LYPD6B: variants seen among roughly 807,000 people sequenced by gnomAD.
LYPD6B encodes the protein ly6/PLAUR domain-containing protein 6B.
In LYPD6B, 17 loss-of-function variants were observed where a neutral mutation model predicts 22.8. That is an observed-to-expected ratio of 0.75 (90% CI 0.51 to 1.12). The LOEUF is 1.12. LYPD6B is among the 50% of genes most tolerant of loss of function. The probability of loss-of-function intolerance (pLI) is 0.00; values close to 1 mark genes in which losing one functional copy is unlikely to be tolerated. For synonymous variants in LYPD6B, 106 were observed against 91.6 expected, an observed-to-expected ratio of 1.16 and a Z score of -0.90; for missense variants, 221 against 258.3, an observed-to-expected ratio of 0.86 and a Z score of 0.99.
intron 1 of LYPD6B, among the ~76,000 whole-genome samples, chr2:149,112,429 G>A (rs746739550): frequency 3.3e-5 from 5 of 152,052 alleles, no homozygotes; most frequent in Admixed American, 2.6e-4. Flanking sequence ...TACATAGTAC[G>A]TTTAGGTTAA....
At chr2:149,076,097 C>T (rs60722887) in intron 1 of LYPD6B, among the ~76,000 whole-genome samples, 10 of 151,968 alleles carry the variant, frequency 6.6e-5, no homozygotes, top group Non-Finnish European at 8.8e-5. Context: ...AATCCAGAGG[C>T]GCGGGAGAAT....
chr2:149,196,136 A>G (rs1467034740), intron 3 of LYPD6B, among the ~76,000 whole-genome samples: 1 of 152,232 alleles, frequency 6.6e-6, no homozygotes, highest in Non-Finnish European at 1.5e-5. Context: ...ATGCACATAT[A>G]TATCTTTATA....
At chr2:149,102,571 T>G (rs1434494387) in intron 1 of LYPD6B, among the ~76,000 whole-genome samples, 2 of 152,160 alleles carry the variant, frequency 1.3e-5, no homozygotes, top group Non-Finnish European at 2.9e-5. Context: ...GGAGGGCAGC[T>G]ATTTGGAAGT....
At position 149,165,723 on chromosome 2, in the gene LYPD6B, G is replaced by A. The variant is rs1001396316; in HGVS notation, c.77+4888G>A. On this transcript the variant is annotated intron_variant, in intron 3 of 6. Transcript: ENST00000409642. ...TCCCTCGAAGTCATACAGCTAAGTC[G>A]TAGACCTGGGATTCCACTCCAGGAG... 3.9e-5 allele frequency among the ~76,000 whole-genome samples: 6 copies of A among 152,268 alleles called. No individual in the cohort carries two copies. The South Asian group carries it at 6.2e-4, about 16-fold the overall frequency.
chr2:149,154,382 T>C (rs1689564339), intron 2 of LYPD6B, among the ~76,000 whole-genome samples: 1 of 152,196 alleles, frequency 6.6e-6, no homozygotes, highest in African/African-American at 2.4e-5. Context: ...GGAACACACC[T>C]TCCTCAGAGC....
intron 1 of LYPD6B, among the ~76,000 whole-genome samples, chr2:149,066,392 G>T: frequency 6.7e-6 from 1 of 148,376 alleles, no homozygotes. Context: ...TGTTGTCACT[G>T]TTCAATTCCA....
chr2:149,068,391 G>C (rs1684440350), intron 1 of LYPD6B, among the ~76,000 whole-genome samples: 1 of 152,158 alleles, frequency 6.6e-6, no homozygotes, highest in Non-Finnish European at 1.5e-5. Context: ...AGAAACTAAA[G>C]TAGCAAACAA....
At chr2:149,182,619 A>G (rs1160984206) in intron 3 of LYPD6B, among the ~76,000 whole-genome samples, 3 of 152,202 alleles carry the variant, frequency 2.0e-5, no homozygotes, top group Non-Finnish European at 4.4e-5. Context: ...GACTGGTTAG[A>G]ATGAGTCCAG....
At chr2:149,214,436 A>G in intron 6 of LYPD6B, 110 bp from the exon 7 acceptor site, 1 of 1,165,676 alleles carries the variant, frequency 8.6e-7, no homozygotes, top group Non-Finnish European at 1.2e-6. Flanking sequence ...ACCAACTCCA[A>G]TTGTCTGTCT....
At chr2:149,161,410 A>G (rs2105885982) in intron 3 of LYPD6B, 1 of 153,688 alleles carries the variant, frequency 6.5e-6, no homozygotes, top group Admixed American at 6.5e-5. Flanking sequence ...TTAATTGATG[A>G]TTGCTTTTTA....
chr2:149,211,214 T>C (rs1693831080), intron 5 of LYPD6B, among the ~76,000 whole-genome samples: 1 of 152,086 alleles, frequency 6.6e-6, no homozygotes, highest in Admixed American at 6.5e-5. Flanking sequence ...CCCCCATGAT[T>C]TAATCACCTC....
intron 2 of LYPD6B, among the ~76,000 whole-genome samples, chr2:149,136,745 GA>G (rs1688395099): frequency 6.6e-6 from 1 of 152,102 alleles, no homozygotes; most frequent in African/African-American, 2.4e-5. Context: ...ATTATTTCGT[GA>G]AAAAAATGTG....
intron 3 of LYPD6B, among the ~76,000 whole-genome samples, chr2:149,203,283 A>T (rs929796172): frequency 9.2e-5 from 14 of 152,192 alleles, no homozygotes; most frequent in African/African-American, 3.4e-4. Context: ...GTGACACTGA[A>T]ACCTGTATCT....
At chr2:149,059,607 G>A (rs2105315975) in intron 1 of LYPD6B, among the ~76,000 whole-genome samples, 1 of 152,298 alleles carries the variant, frequency 6.6e-6, no homozygotes, top group African/African-American at 2.4e-5. Context: ...CTTCATTACG[G>A]CGTTGTTCCG....
chr2:149,049,065 G>A (rs1332367869), intron 1 of LYPD6B, among the ~76,000 whole-genome samples: 1 of 152,170 alleles, frequency 6.6e-6, no homozygotes, highest in African/African-American at 2.4e-5. Context: ...CTTTCACAGA[G>A]GTGTTATTCC....
chr2:149,127,927 C>T (rs1406422638), intron 1 of LYPD6B, among the ~76,000 whole-genome samples: 1 of 151,972 alleles, frequency 6.6e-6, no homozygotes, highest in Non-Finnish European at 1.5e-5. Context: ...TTTTGTTGGA[C>T]TGATCACCTT....
chr2:149,175,087 A>G (rs970988127), intron 3 of LYPD6B, among the ~76,000 whole-genome samples: 13 of 83,940 alleles, frequency 1.5e-4, no homozygotes, highest in Admixed American at 2.5e-4. Flanking sequence ...GTGTGTGTGT[A>G]GTCAGGTGTC....
At chr2:149,080,963 A>G (rs1326078736) in intron 1 of LYPD6B, among the ~76,000 whole-genome samples, 1 of 151,878 alleles carries the variant, frequency 6.6e-6, no homozygotes, top group Non-Finnish European at 1.5e-5. Context: ...GATGGGAGTT[A>G]ACTTATATGA....
chr2:149,141,859 C>T (rs1688714381), intron 2 of LYPD6B, among the ~76,000 whole-genome samples: 1 of 152,206 alleles, frequency 6.6e-6, no homozygotes, highest in African/African-American at 2.4e-5. Flanking sequence ...AATCTTTCTT[C>T]TCCTCTTTCA....
Sources: gnomAD v4.1 joint callset for allele counts (sites outside exome capture counted in the v4.1 genomes callset) on GRCh38, gnomAD v4.1.1 for gene constraint, MANE v1.5 for transcripts, NCBI Gene and HGNC (gene_info 2026-07-23, HGNC 2026-07-21) for gene names.